The following RNF6 variants were observed in gnomAD, a reference collection of about 807,000 sequenced individuals.
The protein encoded by RNF6 is ring finger protein 6, also known as E3 ubiquitin-protein ligase RNF6.
A neutral mutation model predicts 50.1 loss-of-function variants in RNF6; 21 were observed. The ratio of observed to expected loss-of-function variants is 0.42; its 90% confidence interval spans 0.30 to 0.60. The LOEUF (loss-of-function observed/expected upper bound fraction) is 0.60, where lower values mean the gene tolerates loss of function less well. Ranked by LOEUF, RNF6 falls within the 20% of genes least tolerant of loss-of-function variation. The pLI, the probability that RNF6 is intolerant of heterozygous loss-of-function variation, is 0.20. For missense variants in RNF6, 698 were observed against 838.2 expected (o/e 0.83, Z 2.07); for synonymous variants, 255 against 291.8 (o/e 0.87, Z 1.29).
intron 5 of RNF6, among the ~76,000 whole-genome samples, chr13:26,173,441 TAA>T (rs1009833840): frequency 6.6e-6 from 1 of 152,136 alleles, no homozygotes; most frequent in African/African-American, 2.4e-5. Flanking sequence ...CTCAAAAACC[TAA>T]GAGTGATGTG....
chr13:26,219,721 G>T, intron 2 of RNF6, 54 bp from the exon 3 acceptor site: 1 of 1,449,098 alleles, frequency 6.9e-7, no homozygotes, highest in Non-Finnish European at 9.3e-7. Flanking sequence ...ACCACATTTG[G>T]CTTTGTATTT....
chr13:26,155,519 G>C (rs185181856), intron 5 of RNF6, among the ~76,000 whole-genome samples: 2 of 152,302 alleles, frequency 1.3e-5, no homozygotes, highest in Non-Finnish European at 2.9e-5. Flanking sequence ...AACATCATAT[G>C]AGTTAGGTAT....
At chr13:26,168,832 A>G (rs180793570) in intron 5 of RNF6, among the ~76,000 whole-genome samples, 361 of 152,312 alleles carry the variant, frequency 2.4e-3, no homozygotes, top group Non-Finnish European at 4.1e-3. Flanking sequence ...GCAAGACCCT[A>G]TCTCTACAAA....
At chr13:26,176,571 G>A (rs576351401) in intron 5 of RNF6, among the ~76,000 whole-genome samples, 2 of 152,328 alleles carry the variant, frequency 1.3e-5, no homozygotes, top group African/African-American at 4.8e-5. Flanking sequence ...TAGGGTCTCT[G>A]CCAATGTATT....
intron 5 of RNF6, among the ~76,000 whole-genome samples, chr13:26,136,681 C>T (rs1345744957): frequency 6.6e-6 from 1 of 152,068 alleles, no homozygotes; most frequent in African/African-American, 2.4e-5. Flanking sequence ...TAAAGTAAAA[C>T]AATCTGTATT....
At chr13:26,151,339 T>G (rs1871578009) in intron 5 of RNF6, among the ~76,000 whole-genome samples, 1 of 152,174 alleles carries the variant, frequency 6.6e-6, no homozygotes, top group Admixed American at 6.5e-5. Flanking sequence ...CTCAGCTCAC[T>G]GGAACCTCCA....
At chr13:26,137,468 C>T (rs1238329389) in intron 5 of RNF6, among the ~76,000 whole-genome samples, 1 of 151,850 alleles carries the variant, frequency 6.6e-6, no homozygotes, top group African/African-American at 2.4e-5. Context: ...GCATCTTTCC[C>T]ATTCACTGAG....
At chr13:26,196,058 T>G (rs1399360253) in intron 5 of RNF6, among the ~76,000 whole-genome samples, 1 of 152,190 alleles carries the variant, frequency 6.6e-6, no homozygotes, top group Non-Finnish European at 1.5e-5. Context: ...GGCCAAAATT[T>G]TCTAAAATTT....
At chr13:26,151,932 T>C (rs1252843968) in intron 5 of RNF6, among the ~76,000 whole-genome samples, 1 of 152,154 alleles carries the variant, frequency 6.6e-6, no homozygotes, top group Non-Finnish European at 1.5e-5. Flanking sequence ...CTTCCTGTCT[T>C]TTCCTCACGC....
chr13:26,209,986 T>A (rs1869256830), downstream of RNF6, among the ~76,000 whole-genome samples: 1 of 152,216 alleles, frequency 6.6e-6, no homozygotes, highest in African/African-American at 2.4e-5. Flanking sequence ...GCTGAAATGA[T>A]GGATCTCCAA....
chr13:26,184,114 T>C (rs954812913), intron 5 of RNF6, among the ~76,000 whole-genome samples: 9 of 146,840 alleles, frequency 6.1e-5, no homozygotes, highest in Non-Finnish European at 8.9e-5. Context: ...GCAAGCTCCG[T>C]CTCCTTAGGT....
chr13:26,220,443 G>A (rs552711670), intron 2 of RNF6, among the ~76,000 whole-genome samples: 1 of 152,298 alleles, frequency 6.6e-6, no homozygotes, highest in African/African-American at 2.4e-5. Context: ...TTATATTTAA[G>A]TGTCACTCCT....
At chr13:26,202,000 G>A (rs1868915303) in intron 5 of RNF6, among the ~76,000 whole-genome samples, 1 of 152,136 alleles carries the variant, frequency 6.6e-6, no homozygotes, top group Non-Finnish European at 1.5e-5. Context: ...TAGACCCCAG[G>A]ATAATGGAAG....
chr13:26,133,555 T>C (rs1321415737), intron 5 of RNF6, among the ~76,000 whole-genome samples: 1 of 152,204 alleles, frequency 6.6e-6, no homozygotes. Flanking sequence ...ATTTCTATTG[T>C]TTTGTCTTTC....
intron 5 of RNF6, among the ~76,000 whole-genome samples, chr13:26,175,135 C>T (rs546952869): frequency 1.3e-5 from 2 of 152,270 alleles, no homozygotes; most frequent in South Asian, 4.1e-4. Context: ...GGCTGGAGTG[C>T]AATGGCGTGA....
At chr13:26,174,803 G>A (rs1404263533) in intron 5 of RNF6, among the ~76,000 whole-genome samples, 1 of 152,124 alleles carries the variant, frequency 6.6e-6, no homozygotes, top group Non-Finnish European at 1.5e-5. Flanking sequence ...CCTGGCAGTT[G>A]AGGGCTCCAT....
At chr13:26,183,325 A>C (rs1873330481) in intron 5 of RNF6, among the ~76,000 whole-genome samples, 1 of 152,204 alleles carries the variant, frequency 6.6e-6, no homozygotes, top group Non-Finnish European at 1.5e-5. Context: ...CATTACAGAG[A>C]AATACAATAA....
chr13:26,195,758 A>C (rs1868635276), intron 5 of RNF6, among the ~76,000 whole-genome samples: 1 of 152,140 alleles, frequency 6.6e-6, no homozygotes, highest in Non-Finnish European at 1.5e-5. Flanking sequence ...CTATATCATC[A>C]TGGGGTGATA....
intron 5 of RNF6, among the ~76,000 whole-genome samples, chr13:26,175,252 T>G (rs1259932063): frequency 6.6e-6 from 1 of 152,116 alleles, no homozygotes; most frequent in Non-Finnish European, 1.5e-5. Flanking sequence ...GGCTAATTTT[T>G]GTAGATTTAG....
Sources: gnomAD v4.1 joint callset for allele counts (sites outside exome capture counted in the v4.1 genomes callset) on GRCh38, gnomAD v4.1.1 for gene constraint, MANE v1.5 for transcripts, NCBI Gene and HGNC (gene_info 2026-07-23, HGNC 2026-07-21) for gene names.